H2AC8: variants seen among roughly 807,000 people sequenced by gnomAD.
H2AC8 encodes H2A clustered histone 8, also known as histone H2A type 1-B/E.
H2AC8 carries 9 observed loss-of-function variants against 6.3 expected under a neutral mutation model. That is an observed-to-expected ratio of 1.43 (90% confidence interval 0.86 to 2.49). H2AC8 has a LOEUF of 2.49. Among genes scored for constraint, H2AC8 ranks in the 30% most tolerant of loss-of-function variants. The pLI is 0.00. For missense variants in H2AC8, 141 were observed against 177.5 expected (o/e 0.79, Z 1.17); for synonymous variants, 176 against 79.6 (o/e 2.21, Z -6.45).
exon 1 of H2AC8, chr6:26,217,196 T>C (rs1561990061): frequency 6.2e-7 from 1 of 1,613,888 alleles, no homozygotes; most frequent in Admixed American, 1.7e-5. Flanking sequence ...CTCGCGACAA[T>C]AAGAAGACCC....
chr6:26,217,022 A>G (rs1217103958), exon 1 of H2AC8: 11 of 1,614,048 alleles, frequency 6.8e-6, no homozygotes, highest in East Asian at 4.5e-5. Context: ...CAAAAGCTAA[A>G]ACGCGTTCTT....
chr6:26,217,402 G>C, exon 1 of H2AC8: 6 of 1,594,978 alleles, frequency 3.8e-6, no homozygotes, highest in Non-Finnish European at 5.1e-6. Flanking sequence ...GTGATCCCGA[G>C]TCCCAGAAAC....
At chr6:26,217,198 A>G (rs769036520) in exon 1 of H2AC8, 1 of 1,614,190 alleles carries the variant, frequency 6.2e-7, no homozygotes, top group South Asian at 1.1e-5. Context: ...CGCGACAATA[A>G]GAAGACCCGC....
chr6:26,216,957 T>G (rs967173191), upstream of H2AC8: 3 of 1,613,776 alleles, frequency 1.9e-6, no homozygotes, highest in Non-Finnish European at 2.5e-6. Context: ...TTAGTTCTTC[T>G]GCTGTTAGGA....
Sources: allele counts gnomAD v4.1 joint callset, GRCh38; gene constraint gnomAD v4.1.1; transcripts MANE v1.5; gene names NCBI Gene and HGNC (gene_info 2026-07-23, HGNC 2026-07-21).